Variants in ELMO1 observed in about 807,000 individuals in gnomAD.
The protein encoded by ELMO1 is engulfment and cell motility protein 1.
ELMO1 carries 26 observed loss-of-function variants against 98.9 expected under a neutral mutation model. The ratio of observed to expected loss-of-function variants is 0.26; its 90% CI spans 0.19 to 0.36. ELMO1 has a LOEUF of 0.36. ELMO1 is among the 10% of genes least tolerant of loss of function. ELMO1 has a pLI of 1.00. For missense variants in ELMO1, 627 were observed against 935.2 expected (o/e 0.67, Z 4.30); for synonymous variants, 346 against 346.0 (o/e 1.00, Z 0.00).
intron 15 of ELMO1, among the ~76,000 whole-genome samples, chr7:37,027,222 G>T (rs1432818415): frequency 6.6e-6 from 1 of 152,116 alleles, no homozygotes; most frequent in East Asian, 1.9e-4. Flanking sequence ...ACATCACAAA[G>T]AAGCAAATTC....
At chr7:36,873,212 GC>G (rs1803675847) in intron 19 of ELMO1, among the ~76,000 whole-genome samples, 1 of 152,200 alleles carries the variant, frequency 6.6e-6, no homozygotes, top group African/African-American at 2.4e-5. Context: ...TCTTCTAGAT[GC>G]ACCAGAAGAT....
chr7:37,400,705 A>C (rs574237988), intron 1 of ELMO1, among the ~76,000 whole-genome samples: 2 of 152,328 alleles, frequency 1.3e-5, no homozygotes, highest in Admixed American at 6.5e-5. Flanking sequence ...GGAAAGATCA[A>C]AACTTCTACT....
chr7:37,439,169 A>T (rs1284206459), intron 1 of ELMO1, among the ~76,000 whole-genome samples: 2 of 152,068 alleles, frequency 1.3e-5, no homozygotes, highest in African/African-American at 4.8e-5. Context: ...GTACCATCTA[A>T]TCTATCCTCC....
intron 18 of ELMO1, among the ~76,000 whole-genome samples, chr7:36,879,915 T>C (rs758922212): frequency 6.6e-6 from 1 of 152,214 alleles, no homozygotes; most frequent in Non-Finnish European, 1.5e-5. Flanking sequence ...TGTGTACTTA[T>C]GGGTTTTTCA....
At chr7:37,103,793 A>G (rs6971993) in intron 14 of ELMO1, among the ~76,000 whole-genome samples, 151,605 of 151,612 alleles carry the variant, frequency 1, 75,799 homozygotes, top group Middle Eastern at 1. Context: ...TCAGGAGATC[A>G]AAACCATCCT....
intron 16 of ELMO1, among the ~76,000 whole-genome samples, chr7:36,935,358 T>G (rs1419176044): frequency 6.6e-6 from 1 of 152,174 alleles, no homozygotes; most frequent in Non-Finnish European, 1.5e-5. Context: ...CAGTCTTGCA[T>G]ATATCTTTAT....
At chr7:37,285,131 G>A (rs1355008131) in intron 4 of ELMO1, among the ~76,000 whole-genome samples, 2 of 152,314 alleles carry the variant, frequency 1.3e-5, no homozygotes, top group Admixed American at 6.5e-5. Flanking sequence ...TGCATCACCC[G>A]TGGGTGGTGA....
At chr7:36,893,645 AT>A (rs1366013368) in intron 17 of ELMO1, among the ~76,000 whole-genome samples, 102 of 152,278 alleles carry the variant, frequency 6.7e-4, no homozygotes, top group Non-Finnish European at 1.6e-4. Context: ...AGTCTCTCAC[AT>A]TGCAAAGAAG....
chr7:36,965,077 T>G (rs1004438633), intron 16 of ELMO1, among the ~76,000 whole-genome samples: 1 of 152,070 alleles, frequency 6.6e-6, no homozygotes, highest in African/African-American at 2.4e-5. Flanking sequence ...CCTGAAACAC[T>G]TTTTCCCAAG....
intron 1 of ELMO1, among the ~76,000 whole-genome samples, chr7:37,437,461 G>C (rs930901361): frequency 6.6e-6 from 1 of 152,148 alleles, no homozygotes; most frequent in Non-Finnish European, 1.5e-5. Context: ...ATCCCCGTCT[G>C]TATTTTAACA....
chr7:37,279,674 G>A (rs1797040598), intron 4 of ELMO1, among the ~76,000 whole-genome samples: 1 of 152,200 alleles, frequency 6.6e-6, no homozygotes, highest in African/African-American at 2.4e-5. Context: ...CAGCAGAAAG[G>A]TCCTGGGAGC....
At chr7:37,025,904 T>TCTAA (rs1794545662) in intron 15 of ELMO1, among the ~76,000 whole-genome samples, 1 of 146,920 alleles carries the variant, frequency 6.8e-6, no homozygotes, top group Non-Finnish European at 1.5e-5. Flanking sequence ...ATTCTATCTA[T>TCTAA]CTATCTATCT....
At chr7:37,020,876 A>T (rs1250257324) in intron 15 of ELMO1, among the ~76,000 whole-genome samples, 2 of 152,210 alleles carry the variant, frequency 1.3e-5, no homozygotes, top group Non-Finnish European at 2.9e-5. Flanking sequence ...ACACAAAGGC[A>T]TTTAACACAG....
intron 17 of ELMO1, among the ~76,000 whole-genome samples, chr7:36,893,556 A>G (rs1805738673): frequency 6.6e-6 from 1 of 152,216 alleles, no homozygotes; most frequent in Non-Finnish European, 1.5e-5. Flanking sequence ...GCTTCTTAAG[A>G]TTGGAAAACA....
chr7:36,893,386 C>T (rs1291462929), intron 17 of ELMO1, among the ~76,000 whole-genome samples: 1 of 152,138 alleles, frequency 6.6e-6, no homozygotes, highest in East Asian at 1.9e-4. Flanking sequence ...CAATGCAAAA[C>T]CCCAGTGGTG....
intron 14 of ELMO1, among the ~76,000 whole-genome samples, chr7:37,112,194 G>A (rs1785288726): frequency 1.3e-5 from 2 of 152,038 alleles, no homozygotes; most frequent in Admixed American, 6.5e-5. Context: ...AGGGCATAGG[G>A]CAAAAGAGAT....
At chr7:37,320,456 T>A (rs187329306) in intron 2 of ELMO1, among the ~76,000 whole-genome samples, 56 of 152,278 alleles carry the variant, frequency 3.7e-4, no homozygotes, top group African/African-American at 1.3e-3. Context: ...CTCATGCCAT[T>A]TGCTTTGTTG....
At chr7:36,899,190 G>C (rs1450289665) in intron 16 of ELMO1, among the ~76,000 whole-genome samples, 2 of 152,226 alleles carry the variant, frequency 1.3e-5, no homozygotes, top group Non-Finnish European at 2.9e-5. Flanking sequence ...GGATGGCTTT[G>C]ATGGCTAAAA....
chr7:37,260,533 C>T (rs541697776), intron 5 of ELMO1, among the ~76,000 whole-genome samples: 208 of 152,250 alleles, frequency 1.4e-3, no homozygotes, highest in South Asian at 1.7e-3. Flanking sequence ...GACTCCACCC[C>T]AGCAGGTCCA....
Sources: gnomAD v4.1 joint callset for allele counts (sites outside exome capture counted in the v4.1 genomes callset) on GRCh38, gnomAD v4.1.1 for gene constraint, MANE v1.5 for transcripts, NCBI Gene and HGNC (gene_info 2026-07-23, HGNC 2026-07-21) for gene names.